SCN9A: variants seen among roughly 807,000 people sequenced by gnomAD.
The protein encoded by SCN9A is sodium channel protein type 9 subunit alpha.
A neutral mutation model predicts 187.0 loss-of-function variants in SCN9A; 131 were observed. That is an observed-to-expected ratio of 0.70 (90% CI 0.61 to 0.81). The LOEUF (loss-of-function observed/expected upper bound fraction) is 0.81, where lower values mean the gene tolerates loss of function less well. SCN9A is among the 30% of genes least tolerant of loss of function. The pLI, the probability that SCN9A is intolerant of heterozygous loss-of-function variation, is 0.00. For synonymous variants in SCN9A, 809 were observed against 808.6 expected, an observed-to-expected ratio of 1.00 and a Z score of -0.01; for missense variants, 2,252 against 2,396.6, an observed-to-expected ratio of 0.94 and a Z score of 1.26.
At chr2:166,215,779 C>A (rs201190879) in intron 24 of SCN9A, among the ~76,000 whole-genome samples, 88 of 134,702 alleles carry the variant, frequency 6.5e-4, no homozygotes, top group African/African-American at 7.9e-4. Context: ...GTCTCCTAAC[C>A]AAAAAAAAAA....
rs371286659 is a variant in SCN9A at position 166,305,849 on chromosome 2, T to G, written c.539A>C (p.Glu180Ala). 1.9e-6 allele frequency: 3 copies of G among 1,613,164 alleles called. No individual in the cohort carries two copies. The highest frequency in any genetic ancestry group is 2.5e-6 in the Non-Finnish European group (3 of 1,179,582). The change falls in exon 5 of 27, where the codon GAA becomes GCA. Residue 180 changes from glutamate (E) to alanine (A), a missense_variant. Glu to Ala is a moderately radical substitution (Grantham distance 107). This residue lies in a region of SCN9A where 1,013 missense variants were observed against 997.4 expected (regional missense o/e 1.02). Transcript: ENST00000642356. The part of the protein sequence containing the change: ...KILARGFCVG[E>A]FTFLRDPWNW... ...CCACGGGTCACGAAGAAAAGTGAAT[T>G]CTCCTACACAGAAGCCTCTTGCAAG... is the stretch of plus-strand genomic sequence containing the variant.
intron 11 of SCN9A, among the ~76,000 whole-genome samples, chr2:166,285,641 T>A (rs6722511): frequency 4.0e-5 from 6 of 151,640 alleles, no homozygotes; most frequent in African/African-American, 1.2e-4. Flanking sequence ...ATCAGGAGAA[T>A]CTTGTAGATT....
At chr2:166,241,450 G>C (rs1209815603) in intron 19 of SCN9A, among the ~76,000 whole-genome samples, 1 of 152,080 alleles carries the variant, frequency 6.6e-6, no homozygotes. Context: ...TAACACACAA[G>C]ATGCTTCACA....
chr2:166,315,703 A>T (rs1699091772), intron 1 of SCN9A, among the ~76,000 whole-genome samples: 1 of 152,212 alleles, frequency 6.6e-6, no homozygotes, highest in Non-Finnish European at 1.5e-5. Context: ...GTACCAGGCC[A>T]GTGGGGTGGC....
Position 166,251,714 on chromosome 2 carries a change from C to G in SCN9A, c.3472+51G>C, listed in dbSNP as rs1320156969. 7 of 1,605,610 alleles carry G rather than the reference C, an allele frequency of 4.4e-6. No individual in the cohort carries two copies. The Admixed American group carries it at 1.2e-4, about 27-fold the overall frequency. On this transcript the variant is annotated intron_variant, in intron 18 of 26. Transcript: ENST00000642356. ...GTAAGTATTAGGCGTTAAGACAAAC[C>G]CCAGAACACTAATTAAGGAATGCTA...
chr2:166,356,556 A>G (rs978669635), intron 1 of SCN9A, among the ~76,000 whole-genome samples: 1 of 152,196 alleles, frequency 6.6e-6, no homozygotes, highest in African/African-American at 2.4e-5. Context: ...AAAACTCAAA[A>G]GTATGTATAA....
intron 1 of SCN9A, among the ~76,000 whole-genome samples, chr2:166,337,304 C>T (rs1699652936): frequency 6.6e-6 from 1 of 151,944 alleles, no homozygotes; most frequent in South Asian, 2.1e-4. Flanking sequence ...GCTTAAAGAA[C>T]AGGGAAGAAA....
intron 15 of SCN9A, 111 bp downstream of exon 15, chr2:166,278,029 G>A (rs1444645631): frequency 1.3e-6 from 1 of 761,822 alleles, no homozygotes; most frequent in Non-Finnish European, 2.1e-6. Flanking sequence ...TAGATATCAA[G>A]ATATAATCTT....
At chr2:166,347,210 CCT>C (rs537164960) in intron 1 of SCN9A, among the ~76,000 whole-genome samples, 49 of 152,298 alleles carry the variant, frequency 3.2e-4, no homozygotes, top group Admixed American at 1.0e-3. Flanking sequence ...ATAGCCCATT[CCT>C]CTCTCTCTTT....
At chr2:166,369,251 A>G (rs1396481025) in intron 1 of SCN9A, among the ~76,000 whole-genome samples, 1 of 151,958 alleles carries the variant, frequency 6.6e-6, no homozygotes, top group Non-Finnish European at 1.5e-5. Flanking sequence ...TTTGACTAAG[A>G]CCACATACTG....
intron 14 of SCN9A, among the ~76,000 whole-genome samples, chr2:166,278,704 G>A (rs1697345739): frequency 6.6e-6 from 1 of 152,110 alleles, no homozygotes. Flanking sequence ...TTTTGAGCCA[G>A]TCTTTTTTTT....
intron 1 of SCN9A, among the ~76,000 whole-genome samples, chr2:166,347,871 A>G (rs1485379400): frequency 1.3e-5 from 2 of 152,164 alleles, no homozygotes; most frequent in African/African-American, 4.8e-5. Context: ...TTGTATAATA[A>G]GGTCATGAAG....
chr2:166,274,143 C>T (rs547113098), intron 16 of SCN9A, among the ~76,000 whole-genome samples: 3 of 152,254 alleles, frequency 2.0e-5, no homozygotes, highest in Admixed American at 6.5e-5. Context: ...TCTGTTCAAG[C>T]GTTAAACCAT....
In SCN9A at chr2:166,199,788, A is replaced by T; in HGVS notation, c.4851T>A (p.Ile1617=). 1.7e-5 allele frequency: 28 copies of T among 1,614,038 alleles called. No homozygotes were observed. The highest frequency in any genetic ancestry group is 2.4e-5 in the Non-Finnish European group (28 of 1,180,004). Residue 1617 remains isoleucine, a synonymous_variant, in exon 27 of 27, where the codon ATT becomes ATA. Coordinates refer to ENST00000642356, the MANE Select transcript of SCN9A (RefSeq NM_001365536.1). ...CTTTGACTAGACGTAGGATTCGGCC[A>T]ATCCTGGCAAGACGGATCACTCGGA... The part of the protein sequence containing the change: ...TLFRVIRLAR[I]GRILRLVKGA...
intron 1 of SCN9A, among the ~76,000 whole-genome samples, chr2:166,317,483 T>C (rs530289862): frequency 6.6e-6 from 1 of 152,304 alleles, no homozygotes; most frequent in African/African-American, 2.4e-5. Context: ...CTTAGGCAAC[T>C]ACTAAAATTA....
chr2:166,338,660 C>T (rs1183991233), intron 1 of SCN9A, among the ~76,000 whole-genome samples: 6 of 152,054 alleles, frequency 3.9e-5, no homozygotes, highest in Non-Finnish European at 8.8e-5. Context: ...ACTTAAATTA[C>T]ATCATTTTTT....
chr2:166,313,772 G>C (rs976703612), intron 1 of SCN9A, among the ~76,000 whole-genome samples: 1 of 152,154 alleles, frequency 6.6e-6, no homozygotes, highest in Non-Finnish European at 1.5e-5. Context: ...TAAGTACTTA[G>C]TGCAAGAGGC....
In SCN9A at chr2:166,199,629, T is replaced by C. The variant is rs764559105; in HGVS notation, c.5010A>G (p.Lys1670=). 1.9e-5 allele frequency: 31 copies of C among 1,614,058 alleles called. No individual in the cohort carries two copies. The Admixed American group carries it at 5.0e-4, about 26-fold the overall frequency. ...IFGMSNFAYV[K]KEDGINDMFN... is the part of the protein sequence containing the mutation. ...ACATGTCATTAATTCCATCTTCCTT[T>C]TTAACATAGGCAAAGTTGGACATTC... Residue 1670 remains lysine (K), a synonymous_variant, in exon 27 of 27, where the codon AAA becomes AAG. Transcript: ENST00000642356.
At chr2:166,352,249 G>T (rs1030202865) in intron 1 of SCN9A, among the ~76,000 whole-genome samples, 2 of 152,242 alleles carry the variant, frequency 1.3e-5, no homozygotes, top group African/African-American at 4.8e-5. Flanking sequence ...GGATTTATCT[G>T]ACTTATGGAT....
Sources: gnomAD v4.1 joint callset for allele counts (sites outside exome capture counted in the v4.1 genomes callset) on GRCh38, gnomAD v4.1.1 for gene constraint, gnomAD v4.1.1 regional missense constraint, MANE v1.5 for transcripts, NCBI Gene and HGNC (gene_info 2026-07-23, HGNC 2026-07-21) for gene names.